OPHN1: variants seen among roughly 807,000 people sequenced by gnomAD.
OPHN1 encodes oligophrenin-1.
A neutral mutation model predicts 60.7 loss-of-function variants in OPHN1; 11 were observed. The observed-to-expected ratio is 0.18, with a 90% confidence interval of 0.11 to 0.30. OPHN1 has a LOEUF of 0.30. OPHN1 is among the 10% of genes least tolerant of loss of function. The pLI, the probability that OPHN1 is intolerant of heterozygous loss-of-function variation, is 1.00. For missense variants in OPHN1, 449 were observed against 611.0 expected (o/e 0.73, Z 2.80); for synonymous variants, 226 against 222.6 (o/e 1.02, Z -0.14).
In OPHN1 at chrX:68,043,228, G is replaced by A. The variant is rs2076821530; in HGVS notation, c.*3944C>T. The A allele has an allele frequency of 1.6e-5, 1 of 62,078 alleles. No homozygotes were observed. The highest frequency in any genetic ancestry group is 6.4e-5 in the African/African-American group (1 of 15,722). The allele number at this position is 62,078 out of a possible 1,213,427, so 5.1% of individuals were successfully genotyped here. On this transcript the variant is annotated 3_prime_UTR_variant, in exon 25 of 25. Coordinates refer to ENST00000355520, the MANE Select transcript of OPHN1 (RefSeq NM_002547.3). ...ACACTCTGGGGACTGTGGTGGGGTC[G>A]GGGGAGGGGGGAGGGATAGCACTGG...
At chrX:68,353,423 A>AG (rs1690911344) in intron 2 of OPHN1, among the ~76,000 whole-genome samples, 1 of 104,209 alleles carries the variant, frequency 9.6e-6, no homozygotes, top group East Asian at 3.0e-4. Flanking sequence ...AAAAAAAAAA[A>AG]AAAAAAAAGC....
At chrX:68,064,545 C>T (rs1405792547) in intron 20 of OPHN1, among the ~76,000 whole-genome samples, 1 of 112,242 alleles carries the variant, frequency 8.9e-6, no homozygotes, top group Non-Finnish European at 1.9e-5. Flanking sequence ...AATTCTTAAC[C>T]ACTTCTCTGA....
chrX:68,082,398 T>A (rs1039376468), intron 19 of OPHN1, among the ~76,000 whole-genome samples: 1 of 112,481 alleles, frequency 8.9e-6, no homozygotes, highest in Admixed American at 9.4e-5. Flanking sequence ...TAAATCCTGA[T>A]GAAATCTACT....
At chrX:68,290,048 T>G (rs1296696420) in intron 3 of OPHN1, among the ~76,000 whole-genome samples, 1 of 112,056 alleles carries the variant, frequency 8.9e-6, no homozygotes, top group Non-Finnish European at 1.9e-5. Context: ...TGATTCTTTT[T>G]TTTTTAATTA....
chrX:68,388,068 G>T (rs887365526), intron 2 of OPHN1, among the ~76,000 whole-genome samples: 5 of 107,402 alleles, frequency 4.7e-5, no homozygotes, highest in African/African-American at 1.7e-4. Flanking sequence ...AAAGCAGTTT[G>T]GTGGGTGGAG....
intron 2 of OPHN1, among the ~76,000 whole-genome samples, chrX:68,369,586 T>G (rs1167756923): frequency 9.1e-6 from 1 of 109,782 alleles, no homozygotes; most frequent in Non-Finnish European, 1.9e-5. Context: ...CTAAAAGAGC[T>G]AAAGGAAAAC....
intron 20 of OPHN1, chrX:68,070,877 G>C: frequency 8.6e-7 from 1 of 1,165,763 alleles, no homozygotes; most frequent in Non-Finnish European, 1.2e-6. Context: ...ACAGTGGCTT[G>C]GCCAGTCTTG....
chrX:68,420,673 G>A (rs2078822111), intron 2 of OPHN1, among the ~76,000 whole-genome samples: 1 of 110,828 alleles, frequency 9.0e-6, no homozygotes, highest in Admixed American at 9.7e-5. Context: ...AGGCTAACCA[G>A]AAAAACTCCA....
chrX:68,388,007 T>A (rs907155464), intron 2 of OPHN1, among the ~76,000 whole-genome samples: 1 of 108,843 alleles, frequency 9.2e-6, no homozygotes, highest in African/African-American at 3.4e-5. Context: ...AAGAATGGAA[T>A]CTTAAGCAAA....
At chrX:68,323,083 A>C (rs1033212809) in intron 2 of OPHN1, among the ~76,000 whole-genome samples, 2 of 111,474 alleles carry the variant, frequency 1.8e-5, no homozygotes, top group African/African-American at 6.5e-5. Flanking sequence ...TGTTGATGAA[A>C]TCGTTATGTA....
chrX:68,380,631 C>G (rs1402573830), intron 2 of OPHN1, among the ~76,000 whole-genome samples: 1 of 111,156 alleles, frequency 9.0e-6, no homozygotes, highest in Non-Finnish European at 1.9e-5. Context: ...TATGTTGTGT[C>G]TTTGTTCTCA....
Position 68,426,569 on chromosome X carries a change from T to TATATATATATATATATATATATAA in OPHN1, c.154+6297_154+6298insTTATATATATATATATATATATAT, listed in dbSNP as rs1266981689. ...CATCTGTTTTATATATATATATATA[T>TATATATATATATATATATATATAA]ACATACACAGAGGCTGGGCGTGATG... is the stretch of plus-strand genomic sequence containing the variant. On this transcript the variant is annotated intron_variant, in intron 2 of 24. Coordinates refer to ENST00000355520, the MANE Select transcript of OPHN1 (RefSeq NM_002547.3). 6.9e-3 allele frequency among the ~76,000 whole-genome samples: 285 copies of TATATATATATATATATATATATAA among 41,535 alleles called. 37 individuals are homozygous for TATATATATATATATATATATATAA. Among genetic ancestry groups the TATATATATATATATATATATATAA allele is most frequent in the Non-Finnish European group, 0.01 (149 of 14,322 alleles). 36.1% of individuals were successfully genotyped at this position (41,535 alleles called of 115,157 possible).
intron 2 of OPHN1, among the ~76,000 whole-genome samples, chrX:68,422,209 G>A (rs777345802): frequency 6.5e-4 from 72 of 110,774 alleles, no homozygotes; most frequent in African/African-American, 2.3e-3. Context: ...CCCTAGCCCC[G>A]ATAAAGAACA....
chrX:68,256,347 G>C (rs1480668852), intron 5 of OPHN1, among the ~76,000 whole-genome samples: 1 of 111,547 alleles, frequency 9.0e-6, no homozygotes, highest in East Asian at 2.8e-4. Context: ...CTCTCAGCTT[G>C]CTTGTCTATG....
chrX:68,353,408 G>GA (rs766331200), intron 2 of OPHN1, among the ~76,000 whole-genome samples: 1,487 of 47,972 alleles, frequency 0.031, 31 homozygotes, highest in Non-Finnish European at 0.041. Context: ...GTCTCTACAG[G>GA]AAAAAAAAAA....
intron 15 of OPHN1, among the ~76,000 whole-genome samples, chrX:68,190,713 G>C (rs2077484388): frequency 8.9e-6 from 1 of 111,890 alleles, no homozygotes; most frequent in South Asian, 3.7e-4. Flanking sequence ...ATATAAGAGT[G>C]ATACTGGAAA....
intron 2 of OPHN1, among the ~76,000 whole-genome samples, chrX:68,410,545 G>C (rs894561754): frequency 1.9e-5 from 2 of 104,968 alleles, no homozygotes; most frequent in African/African-American, 7.2e-5. Context: ...CTGGATGACA[G>C]ACTGAGACTC....
chrX:68,164,272 C>A (rs2077348404), intron 15 of OPHN1, among the ~76,000 whole-genome samples: 1 of 112,238 alleles, frequency 8.9e-6, no homozygotes, highest in Non-Finnish European at 1.9e-5. Context: ...TCAATATACT[C>A]TGCCCATATC....
chrX:68,336,151 C>T (rs1332530256), intron 2 of OPHN1, among the ~76,000 whole-genome samples: 1 of 109,518 alleles, frequency 9.1e-6, no homozygotes, highest in East Asian at 2.9e-4. Flanking sequence ...ATCTCTCTTT[C>T]ACAGAAATGC....
Sources: gnomAD v4.1 joint callset for allele counts (sites outside exome capture counted in the v4.1 genomes callset) on GRCh38, gnomAD v4.1.1 for gene constraint, MANE v1.5 for transcripts, NCBI Gene and HGNC (gene_info 2026-07-23, HGNC 2026-07-21) for gene names.